Variants in LINS1 observed in about 807,000 individuals in gnomAD.
LINS1 encodes the protein lines homolog 1.
Under a neutral mutation model 41.6 loss-of-function variants are expected in LINS1, and 27 were observed. The observed-to-expected ratio is 0.65, with a 90% CI of 0.48 to 0.89. LINS1 has a LOEUF of 0.89. Ranked by LOEUF, LINS1 falls within the 40% of genes least tolerant of loss-of-function variation. The pLI, the probability that LINS1 is intolerant of heterozygous loss-of-function variation, is 0.00. For missense variants in LINS1, 955 were observed against 884.1 expected, an observed-to-expected ratio of 1.08 and a Z score of -1.02; for synonymous variants, 336 against 312.9, an observed-to-expected ratio of 1.07 and a Z score of -0.78.
At chr15:100,574,416 T>C (rs1240748103) in intron 4 of LINS1, among the ~76,000 whole-genome samples, 175 bp from the exon 5 acceptor site, 1 of 152,224 alleles carries the variant, frequency 6.6e-6, no homozygotes, top group Non-Finnish European at 1.5e-5. Flanking sequence ...ACGGTTAAAA[T>C]TCATTTTATG....
chr15:100,600,318 G>T (rs1275488634), intron 1 of LINS1, among the ~76,000 whole-genome samples: 1 of 151,986 alleles, frequency 6.6e-6, no homozygotes, highest in Admixed American at 6.6e-5. Flanking sequence ...GGTAAATCAG[G>T]CCTCCTTGAC....
intron 3 of LINS1, among the ~76,000 whole-genome samples, chr15:100,575,698 C>T (rs1313037084): frequency 6.6e-6 from 1 of 152,174 alleles, no homozygotes; most frequent in Non-Finnish European, 1.5e-5. Context: ...CAGAACTCTC[C>T]AACCCAAATC....
intron 3 of LINS1, 151 bp from the exon 4 acceptor site, chr15:100,575,279 A>G: frequency 1.6e-6 from 1 of 632,500 alleles, no homozygotes; most frequent in Non-Finnish European, 2.7e-6. Context: ...ATATTATTTA[A>G]GTAAAAAAAT....
intron 1 of LINS1, among the ~76,000 whole-genome samples, chr15:100,582,123 C>A (rs2038573947): frequency 6.6e-6 from 1 of 152,216 alleles, no homozygotes; most frequent in South Asian, 2.1e-4. Context: ...CTAGCCTAGT[C>A]TTGGTCTTAC....
chr15:100,580,359 G>C lies in LINS1; in HGVS notation c.400-7C>G. On this transcript the variant is annotated splice_polypyrimidine_tract_variant and splice_region_variant and intron_variant, in intron 2 of 6. Coordinates refer to ENST00000314742, the MANE Select transcript of LINS1 (RefSeq NM_001040616.3). ...AATTTTGGAACATGCAGATCTACAG[G>C]AAAACAAATATAATTAACCACTATT... The C allele has an allele frequency of 1.2e-6, 2 of 1,610,652 alleles. No homozygotes were observed. Among genetic ancestry groups the C allele is most frequent in the Non-Finnish European group, 1.7e-6 (2 of 1,177,232 alleles).
intron 1 of LINS1, among the ~76,000 whole-genome samples, chr15:100,597,929 A>T (rs1402567838): frequency 6.6e-6 from 1 of 152,266 alleles, no homozygotes. Context: ...TAAATGGCTT[A>T]TATGTGAAAA....
intron 1 of LINS1, among the ~76,000 whole-genome samples, chr15:100,595,856 G>T (rs1469998665): frequency 6.6e-6 from 1 of 152,170 alleles, no homozygotes; most frequent in Non-Finnish European, 1.5e-5. Context: ...AACTGTCGCG[G>T]AAGTTGAGGC....
At chr15:100,578,196 C>T (rs561682647) in intron 3 of LINS1, among the ~76,000 whole-genome samples, 1 of 152,146 alleles carries the variant, frequency 6.6e-6, no homozygotes, top group East Asian at 1.9e-4. Flanking sequence ...AACTAAAGAG[C>T]TTCTGCACAG....
At chr15:100,592,400 G>A (rs2039077591) in intron 1 of LINS1, among the ~76,000 whole-genome samples, 1 of 152,078 alleles carries the variant, frequency 6.6e-6, no homozygotes, top group South Asian at 2.1e-4. Context: ...TAAATCACTG[G>A]CCCTTGGTGA....
At chr15:100,586,448 G>C (rs1199344144) in intron 1 of LINS1, 1 of 152,198 alleles carries the variant, frequency 6.6e-6, no homozygotes, top group African/African-American at 2.4e-5. Flanking sequence ...TTCCAATAAA[G>C]AAAGGATTGT....
chr15:100,587,674 C>T (rs940115806), intron 1 of LINS1, among the ~76,000 whole-genome samples: 1 of 152,104 alleles, frequency 6.6e-6, no homozygotes, highest in African/African-American at 2.4e-5. Flanking sequence ...CATCATTTGT[C>T]CCATTTATCC....
At chr15:100,587,437 T>C (rs2038859643) in intron 1 of LINS1, among the ~76,000 whole-genome samples, 1 of 152,098 alleles carries the variant, frequency 6.6e-6, no homozygotes, top group African/African-American at 2.4e-5. Context: ...TGTGGGTTTT[T>C]TGGGGCCCTG....
chr15:100,586,066 A>G (rs766093301), intron 1 of LINS1, among the ~76,000 whole-genome samples: 1 of 152,206 alleles, frequency 6.6e-6, no homozygotes. Context: ...CACTAAGCTC[A>G]AGGGAAAATT....
chr15:100,580,598 A>C lies in LINS1; in HGVS notation c.245T>G (p.Met82Arg). The change falls in exon 2 of 7, where the codon ATG becomes AGG. Residue 82 changes from methionine to arginine, a missense_variant. Transcript: ENST00000314742. ...GAGCATTACTTCTCTGGAACCGCTC[A>C]TCTGAGAGTTGGTCTTCAAACACAC... The part of the protein sequence containing the change: ...APVCLKTNSQ[M>R]SGSREVMLLQ... The C allele has an allele frequency of 6.2e-7, 1 of 1,614,010 alleles. No homozygotes were observed. Among genetic ancestry groups the C allele is most frequent in the Non-Finnish European group, 8.5e-7 (1 of 1,179,914 alleles).
chr15:100,588,690 G>A lies in LINS1; in HGVS notation c.-103-7745C>T, dbSNP rs2038912450. ...GATTCTAGATAAGTCTTGGGGACATGTGAAATTAGCCATGCCCTCTAGCTA... is the reference window on the plus strand; with the variant it reads ...GATTCTAGATAAGTCTTGGGGACATATGAAATTAGCCATGCCCTCTAGCTA... On this transcript the variant is annotated intron_variant, in intron 1 of 6. Coordinates refer to ENST00000314742, the MANE Select transcript of LINS1 (RefSeq NM_001040616.3). Among the ~76,000 whole-genome samples, 7 of 152,312 alleles carry A rather than the reference G, an allele frequency of 4.6e-5. No individual in the cohort carries two copies. The South Asian group carries it at 1.5e-3, about 32-fold the overall frequency.
At position 100,580,892 on chromosome 15, in the gene LINS1, A is replaced by C; in HGVS notation, c.-50T>G. On this transcript the variant is annotated 5_prime_UTR_variant, in exon 2 of 7. Coordinates refer to ENST00000314742, the MANE Select transcript of LINS1 (RefSeq NM_001040616.3). ...AAGAAGGTCGACAACTCCAAGTTGT[A>C]AACATTAAATCTCAGAAGTGCAATG... 1 of 1,524,584 alleles carries C rather than the reference A, an allele frequency of 6.6e-7. No homozygotes were observed. Among genetic ancestry groups the C allele is most frequent in the Non-Finnish European group, 9.0e-7 (1 of 1,111,356 alleles). 94.4% of individuals were successfully genotyped at this position (1,524,584 alleles called of 1,614,324 possible).
In LINS1 at chr15:100,571,873, ATTACT is replaced by A. The variant is rs756342957; in HGVS notation, c.1394+16_1394+20del. The A allele has an allele frequency of 2.2e-5, 35 of 1,613,986 alleles. No individual in the cohort carries two copies. The Admixed American group carries it at 5.8e-4, about 27-fold the overall frequency. On this transcript the variant is annotated intron_variant, in intron 6 of 6. Coordinates refer to ENST00000314742, the MANE Select transcript of LINS1 (RefSeq NM_001040616.3). ...TTCCTGACTTGTAGGCCGTTCAATA[ATTACT>A]TTAAAATACACTAACCTGGTCAGTG...
chr15:100,574,118 A>C lies in LINS1; in HGVS notation c.755T>G (p.Phe252Cys). The C allele has an allele frequency of 1.9e-6, 3 of 1,614,112 alleles. No homozygotes were observed. The highest frequency in any genetic ancestry group is 2.5e-6 in the Non-Finnish European group (3 of 1,179,904). The change falls in exon 5 of 7, where the codon TTC becomes TGC. Residue 252 changes from phenylalanine to cysteine, a missense_variant. By Grantham distance (205) the Phe-to-Cys change is radical. Coordinates refer to ENST00000314742, the MANE Select transcript of LINS1 (RefSeq NM_001040616.3). ...GATGAGAAGCTCAAGCAAATCCAGG[A>C]AACACATCAGGATGTTTACTATTTT... ...TSKIVNILMC[F>C]LDLLELLIAS...
At position 100,575,236 on chromosome 15, in the gene LINS1, T is replaced by G. The variant is rs193229796; in HGVS notation, c.490-108A>C. 2.0e-4 allele frequency: 181 copies of G among 920,844 alleles called. 1 individual carries two copies. In the African/African-American group the frequency reaches 2.5e-3, roughly 13 times the overall value. The allele number at this position is 920,844 out of a possible 1,614,324, so 57.0% of individuals were successfully genotyped here. On this transcript the variant is annotated intron_variant, in intron 3 of 6. Coordinates refer to ENST00000314742, the MANE Select transcript of LINS1 (RefSeq NM_001040616.3). ...TTTGGCCAAAAGAAGTATGATAATA[T>G]GTGGCACACCGAGAAGGAACAGAAG...
Sources: gnomAD v4.1 joint callset for allele counts (sites outside exome capture counted in the v4.1 genomes callset) on GRCh38, gnomAD v4.1.1 for gene constraint, MANE v1.5 for transcripts, NCBI Gene and HGNC (gene_info 2026-07-23, HGNC 2026-07-21) for gene names.